The following DCAF8L2 variants were observed in gnomAD, a reference collection of about 807,000 sequenced individuals.
The protein encoded by DCAF8L2 is DDB1- and CUL4-associated factor 8-like protein 2.
For missense variants in DCAF8L2, 430 were observed against 490.7 expected, an observed-to-expected ratio of 0.88 and a Z score of 1.17; for synonymous variants, 200 against 190.9, an observed-to-expected ratio of 1.05 and a Z score of -0.39.
chrX:27,575,521 C>T, the DCAF8L2 span, among the ~76,000 whole-genome samples: 184 of 111,759 alleles, frequency 1.6e-3, no homozygotes, highest in Middle Eastern at 4.6e-3. Context: ...AGGGACCACA[C>T]TCTTCCCTTC....
At chrX:27,555,741 C>T in the DCAF8L2 span, among the ~76,000 whole-genome samples, 1 of 111,739 alleles carries the variant, frequency 8.9e-6, no homozygotes, top group African/African-American at 3.3e-5. Context: ...TCTATTGATT[C>T]CAGCTGCTGT....
intron 3 of DCAF8L2, among the ~76,000 whole-genome samples, chrX:27,698,695 G>A: frequency 9.0e-6 from 1 of 111,595 alleles, no homozygotes. Context: ...GTCACTTGCT[G>A]TTGAATGAAT....
At chrX:27,657,436 G>A (rs1381764002) in intron 2 of DCAF8L2, among the ~76,000 whole-genome samples, 2 of 111,240 alleles carry the variant, frequency 1.8e-5, no homozygotes, top group African/African-American at 6.5e-5. Flanking sequence ...AACTTGTCTA[G>A]TATCACCCTA....
chrX:27,495,465 C>T, the DCAF8L2 span, among the ~76,000 whole-genome samples: 1 of 111,917 alleles, frequency 8.9e-6, no homozygotes, highest in Non-Finnish European at 1.9e-5. Flanking sequence ...ATTTTAATAG[C>T]AATGTTTTTG....
the DCAF8L2 span, among the ~76,000 whole-genome samples, chrX:27,533,204 AAGAAAGAAAG>A: frequency 2.0e-5 from 1 of 49,960 alleles, no homozygotes; most frequent in African/African-American, 5.8e-5. Context: ...GAAAGAAAGA[AAGAAAGAAAG>A]AAAGAAAGAA....
chrX:27,614,837 T>A lies in DCAF8L2; in HGVS notation c.-341-17042T>A, dbSNP rs757904019. Among the ~76,000 whole-genome samples, 7 of 111,640 alleles carry A rather than the reference T, an allele frequency of 6.3e-5. No homozygotes were observed. In the South Asian group the frequency reaches 2.6e-3, roughly 42 times the overall value. On this transcript the variant is annotated intron_variant, in intron 1 of 4. Coordinates refer to ENST00000451261, the MANE Select transcript of DCAF8L2 (RefSeq NM_001353450.2). ...GAGAGACAGTTTGTTGTGATTTCCA[T>A]TCTTTTACATTTGCTAAGGAGTGCT...
the DCAF8L2 span, among the ~76,000 whole-genome samples, chrX:27,499,099 T>C: frequency 2.7e-5 from 3 of 112,466 alleles, no homozygotes; most frequent in African/African-American, 6.5e-5. Context: ...AGAGTGGGAC[T>C]GCTGGATCAT....
chrX:27,487,204 CTCT>C, the DCAF8L2 span, among the ~76,000 whole-genome samples: 2 of 112,042 alleles, frequency 1.8e-5, no homozygotes, highest in East Asian at 2.8e-4. Flanking sequence ...ACCAGTTATT[CTCT>C]TCTTCTTCTT....
chrX:27,629,886 T>C (rs974893660), intron 1 of DCAF8L2, among the ~76,000 whole-genome samples: 3 of 111,850 alleles, frequency 2.7e-5, no homozygotes, highest in African/African-American at 9.7e-5. Context: ...AATGACTCTG[T>C]AGGCCACTGG....
intron 1 of DCAF8L2, among the ~76,000 whole-genome samples, chrX:27,612,822 G>T (rs1209351831): frequency 9.0e-6 from 1 of 111,591 alleles, no homozygotes; most frequent in African/African-American, 3.3e-5. Flanking sequence ...TGTTTTGGTT[G>T]CCAGTACCAT....
chrX:27,665,483 G>T (rs779547117), intron 2 of DCAF8L2, among the ~76,000 whole-genome samples: 4 of 111,966 alleles, frequency 3.6e-5, no homozygotes, highest in Non-Finnish European at 7.5e-5. Flanking sequence ...TTGTTGAAAT[G>T]ATAGCAAAGA....
intron 1 of DCAF8L2, among the ~76,000 whole-genome samples, chrX:27,611,243 T>G (rs1927150029): frequency 9.0e-6 from 1 of 110,982 alleles, no homozygotes; most frequent in African/African-American, 3.3e-5. Context: ...CTAAGCGATT[T>G]TTATGGATCT....
In DCAF8L2 at chrX:27,748,194, T is replaced by C. The variant is rs1922371187; in HGVS notation, c.1299T>C (p.Asp433=). Residue 433 remains aspartate (D), a synonymous_variant, in exon 5 of 5, where the codon GAT becomes GAC. Coordinates refer to ENST00000451261, the MANE Select transcript of DCAF8L2 (RefSeq NM_001353450.2). ...TNITCVVYSH[D]GTELLASYND... ...TCACCTGCGTTGTGTACAGCCACGA[T>C]GGCACAGAGCTGCTAGCCAGCTACA... The C allele has an allele frequency of 8.2e-7, 1 of 1,212,348 alleles. No homozygotes were observed. Among genetic ancestry groups the C allele is most frequent in the South Asian group, 1.8e-5 (1 of 57,043 alleles).
At chrX:27,515,033 A>G in the DCAF8L2 span, among the ~76,000 whole-genome samples, 1 of 111,827 alleles carries the variant, frequency 8.9e-6, no homozygotes, top group Non-Finnish European at 1.9e-5. Context: ...AAGACTTTGA[A>G]TGTTGCCACC....
chrX:27,649,241 G>C (rs1176085249), intron 2 of DCAF8L2, among the ~76,000 whole-genome samples: 1 of 112,003 alleles, frequency 8.9e-6, no homozygotes, highest in African/African-American at 3.2e-5. Context: ...CCATGTCTTT[G>C]TTATTGTGAA....
chrX:27,724,864 G>C (rs1932017063), intron 4 of DCAF8L2, among the ~76,000 whole-genome samples: 1 of 110,383 alleles, frequency 9.1e-6, no homozygotes, highest in Non-Finnish European at 1.9e-5. Flanking sequence ...TTTAAAGTGA[G>C]AGGGAAAAAA....
intron 3 of DCAF8L2, among the ~76,000 whole-genome samples, chrX:27,683,108 C>T (rs910588067): frequency 1.8e-5 from 2 of 111,316 alleles, no homozygotes; most frequent in Non-Finnish European, 3.8e-5. Context: ...AAAGTTTTGT[C>T]CTCCTAGCTT....
At chrX:27,635,968 C>T (rs1015072114) in intron 2 of DCAF8L2, among the ~76,000 whole-genome samples, 19 of 109,769 alleles carry the variant, frequency 1.7e-4, no homozygotes, top group African/African-American at 5.3e-4. Flanking sequence ...CCTGCCACCA[C>T]GCCCAGCTAA....
chrX:27,472,298 C>T, the DCAF8L2 span, among the ~76,000 whole-genome samples: 2 of 111,901 alleles, frequency 1.8e-5, no homozygotes, highest in African/African-American at 3.2e-5. Context: ...CTTAATAGTA[C>T]ACATAGAGGA....
Sources: gnomAD v4.1 joint callset for allele counts (sites outside exome capture counted in the v4.1 genomes callset) on GRCh38, gnomAD v4.1.1 for gene constraint, MANE v1.5 for transcripts, NCBI Gene and HGNC (gene_info 2026-07-23, HGNC 2026-07-21) for gene names.